KCNMA1: variants seen among roughly 807,000 people sequenced by gnomAD.
KCNMA1 encodes Calcium-activated potassium channel subunit alpha-1.
A neutral mutation model predicts 140.0 loss-of-function variants in KCNMA1; 29 were observed. That is an observed-to-expected ratio of 0.21 (90% CI 0.15 to 0.28). The LOEUF is 0.28. Ranked by LOEUF, KCNMA1 falls within the 10% of genes least tolerant of loss-of-function variation. The probability of loss-of-function intolerance (pLI) is 1.00; values close to 1 mark genes in which losing one functional copy is unlikely to be tolerated. For missense variants in KCNMA1, 880 were observed against 1,602.2 expected, an observed-to-expected ratio of 0.55 and a Z score of 7.70; for synonymous variants, 612 against 611.9, an observed-to-expected ratio of 1.00 and a Z score of 0.00.
intron 2 of KCNMA1, among the ~76,000 whole-genome samples, chr10:77,333,103 C>T (rs529364513): frequency 2.0e-4 from 31 of 152,228 alleles, no homozygotes; most frequent in African/African-American, 7.0e-4. Flanking sequence ...AGGAAGGTCT[C>T]GGTTCTGCCA....
At chr10:77,066,691 T>C (rs2095963873) in intron 14 of KCNMA1, among the ~76,000 whole-genome samples, 1 of 152,216 alleles carries the variant, frequency 6.6e-6, no homozygotes. Context: ...TGCTCTCCAC[T>C]GGTGAGGAAT....
chr10:76,889,571 T>C lies in KCNMA1; in HGVS notation c.3343-2A>G. ...CAGATCACCATAACAACCACCATCC[T>C]GGGAGACAGCAAAAGAACAGAGAGA... On this transcript the variant is annotated splice_acceptor_variant, in intron 26 of 27. Coordinates refer to ENST00000286628, the MANE Select transcript of KCNMA1 (RefSeq NM_001161352.2). LOFTEE classifies it high-confidence loss of function. 6.3e-7 allele frequency: 1 copy of C among 1,598,712 alleles called. No homozygotes were observed. Among genetic ancestry groups the C allele is most frequent in the Non-Finnish European group, 8.6e-7 (1 of 1,165,950 alleles).
At chr10:77,279,499 A>G (rs951664988) in intron 2 of KCNMA1, among the ~76,000 whole-genome samples, 7 of 152,184 alleles carry the variant, frequency 4.6e-5, no homozygotes, top group Non-Finnish European at 1.0e-4. Context: ...GAACCTCAAC[A>G]CACTTTACAA....
chr10:77,112,478 C>T (rs774190218), intron 6 of KCNMA1, 36 bp from the exon 7 acceptor site: 2 of 1,550,772 alleles, frequency 1.3e-6, no homozygotes, highest in Non-Finnish European at 1.8e-6. Context: ...CCCCACGTTA[C>T]CAAGGGAAGG....
At chr10:77,256,976 G>A (rs774299552) in intron 2 of KCNMA1, among the ~76,000 whole-genome samples, 16 of 152,100 alleles carry the variant, frequency 1.1e-4, no homozygotes, top group Non-Finnish European at 1.6e-4. Flanking sequence ...AGGCATGATA[G>A]CATGTGCCTA....
At chr10:77,324,971 CTGTGTGTGTG>C (rs144907110) in intron 2 of KCNMA1, among the ~76,000 whole-genome samples, 17 of 90,364 alleles carry the variant, frequency 1.9e-4, no homozygotes, top group Non-Finnish European at 3.0e-4. Context: ...CTCTCTCTCT[CTGTGTGTGTG>C]TGTGTGTGTG....
chr10:77,131,180 T>A (rs2097850257), intron 5 of KCNMA1, among the ~76,000 whole-genome samples: 1 of 152,206 alleles, frequency 6.6e-6, no homozygotes. Flanking sequence ...AGAAACACAC[T>A]GTCTCTACAG....
At chr10:76,969,420 G>A (rs1254855980) in intron 20 of KCNMA1, among the ~76,000 whole-genome samples, 1 of 152,174 alleles carries the variant, frequency 6.6e-6, no homozygotes, top group East Asian at 1.9e-4. Context: ...TTTGAACTTT[G>A]CTTTGGCAAG....
intron 1 of KCNMA1, among the ~76,000 whole-genome samples, chr10:77,584,579 G>A (rs753407852): frequency 3.9e-5 from 6 of 152,012 alleles, no homozygotes; most frequent in Admixed American, 1.3e-4. Context: ...GGGTGGTCTC[G>A]ATCTCTTGAC....
Position 77,412,016 on chromosome 10 carries a change from C to A in KCNMA1, c.379-7993G>T, listed in dbSNP as rs558266171. ...TCCAGCACTAAGAGGCTGAGCTCTG[C>A]CGGGCCTGACGCACCTGAGTGGGAG... On this transcript the variant is annotated intron_variant, in intron 1 of 27. Coordinates refer to ENST00000286628, the MANE Select transcript of KCNMA1 (RefSeq NM_001161352.2). Among the ~76,000 whole-genome samples the A allele has an allele frequency of 2.0e-5, 3 of 152,316 alleles. No individual in the cohort carries two copies. In the South Asian group the frequency reaches 6.2e-4, roughly 32 times the overall value.
chr10:77,485,929 TCA>T (rs1192437826), intron 1 of KCNMA1, among the ~76,000 whole-genome samples: 1 of 152,080 alleles, frequency 6.6e-6, no homozygotes, highest in Non-Finnish European at 1.5e-5. Flanking sequence ...GAATGTTTGG[TCA>T]CCCTAGCTGT....
chr10:77,211,944 C>G (rs957329607), intron 3 of KCNMA1, among the ~76,000 whole-genome samples: 4 of 152,108 alleles, frequency 2.6e-5, no homozygotes, highest in African/African-American at 4.8e-5. Flanking sequence ...AATCAAAAAA[C>G]AACAGATGCT....
At chr10:77,606,948 C>T (rs11591437) in intron 1 of KCNMA1, among the ~76,000 whole-genome samples, 44,370 of 152,074 alleles carry the variant, frequency 0.29, 6,683 homozygotes, top group Middle Eastern at 0.38. Flanking sequence ...CCTTACTGTA[C>T]TCTCCCTCTC....
intron 3 of KCNMA1, among the ~76,000 whole-genome samples, chr10:77,240,880 ACT>A (rs2057098243): frequency 6.6e-6 from 1 of 152,174 alleles, no homozygotes; most frequent in South Asian, 2.1e-4. Flanking sequence ...GTACTGTTGC[ACT>A]CTCAGCGAAC....
chr10:77,161,388 C>T (rs1422812981), intron 5 of KCNMA1, among the ~76,000 whole-genome samples: 1 of 152,054 alleles, frequency 6.6e-6, no homozygotes, highest in Non-Finnish European at 1.5e-5. Context: ...GTTAGGACTA[C>T]AGGCATAAGC....
intron 2 of KCNMA1, among the ~76,000 whole-genome samples, chr10:77,354,930 C>T (rs1283250910): frequency 6.6e-6 from 1 of 152,226 alleles, no homozygotes; most frequent in Non-Finnish European, 1.5e-5. Context: ...CTTACCAAAA[C>T]ATATGCCTTC....
intron 2 of KCNMA1, among the ~76,000 whole-genome samples, chr10:77,288,893 C>T (rs2154306376): frequency 6.6e-6 from 1 of 152,296 alleles, no homozygotes; most frequent in African/African-American, 2.4e-5. Flanking sequence ...CAAAAGTGAA[C>T]ACCATCCACA....
At chr10:77,030,494 T>C (rs761785030) in intron 15 of KCNMA1, among the ~76,000 whole-genome samples, 2 of 152,196 alleles carry the variant, frequency 1.3e-5, no homozygotes, top group Non-Finnish European at 2.9e-5. Context: ...AAACTTAGTA[T>C]GGATCGTGCA....
intron 1 of KCNMA1, among the ~76,000 whole-genome samples, chr10:77,458,272 A>T (rs11594258): frequency 0.15 from 22,953 of 152,272 alleles, 2,091 homozygotes; most frequent in Non-Finnish European, 0.21. Flanking sequence ...GCTTCTTTTA[A>T]CAAATAGCCC....
Sources: gnomAD v4.1 joint callset for allele counts (sites outside exome capture counted in the v4.1 genomes callset) on GRCh38, gnomAD v4.1.1 for gene constraint, MANE v1.5 for transcripts, NCBI Gene and HGNC (gene_info 2026-07-23, HGNC 2026-07-21) for gene names.